BACH1: variants seen among roughly 807,000 people sequenced by gnomAD.
BACH1 encodes transcription regulator protein BACH1.
A neutral mutation model predicts 52.9 loss-of-function variants in BACH1; 35 were observed. The observed-to-expected ratio is 0.66, with a 90% CI of 0.51 to 0.88. The LOEUF (loss-of-function observed/expected upper bound fraction) is 0.88. Ranked by LOEUF, BACH1 falls within the 40% of genes least tolerant of loss-of-function variation. The pLI is 0.00. For missense variants in BACH1, 808 were observed against 872.6 expected (o/e 0.93, Z 0.93); for synonymous variants, 321 against 319.6 (o/e 1.00, Z -0.05).
chr21:29,349,061 T>C (rs412662), downstream of BACH1, among the ~76,000 whole-genome samples: 78,895 of 150,626 alleles, frequency 0.52, 21,091 homozygotes, highest in South Asian at 0.63. Flanking sequence ...GCCACTGCTA[T>C]CCAGCCTGGG....
Position 29,326,455 on chromosome 21 carries a change from T to A in BACH1, c.631T>A (p.Cys211Ser). ...DSASQTYESM[C>S]LEKDAALALP... Reference sequence around the variant, plus strand: ...TGCCAGTCAGACATATGAGTCCATGTGCTTAGAGAAGGATGCTGCTCTGGC... The same window carrying A: ...TGCCAGTCAGACATATGAGTCCATGAGCTTAGAGAAGGATGCTGCTCTGGC... The change falls in exon 3 of 5, where the codon TGC (cysteine) becomes AGC (serine). Residue 211 changes from cysteine (C) to serine (S), a missense_variant. Cys to Ser is a moderately radical substitution (Grantham distance 112, BLOSUM62 -1). Transcript: ENST00000286800. The A allele has an allele frequency of 1.2e-6, 2 of 1,614,224 alleles. No homozygotes were observed. The highest frequency in any genetic ancestry group is 1.7e-6 in the Non-Finnish European group (2 of 1,180,040).
At chr21:29,306,612 A>T (rs1569006701) in intron 1 of BACH1, among the ~76,000 whole-genome samples, 1 of 152,164 alleles carries the variant, frequency 6.6e-6, no homozygotes, top group East Asian at 1.9e-4. Context: ...GAGAGTAGAT[A>T]CGTGAGCACA....
At chr21:29,312,419 G>C (rs1456081903) in intron 1 of BACH1, among the ~76,000 whole-genome samples, 1 of 152,046 alleles carries the variant, frequency 6.6e-6, no homozygotes, top group South Asian at 2.1e-4. Context: ...CTCACTATTC[G>C]GTCATTGCAA....
intron 2 of BACH1, chr21:29,359,495 G>A (rs568525913): frequency 6.6e-6 from 1 of 150,902 alleles, no homozygotes; most frequent in South Asian, 2.1e-4. Context: ...TTGCTTTTGC[G>A]AGTACTCATG....
chr21:29,326,173 A>G lies in BACH1; in HGVS notation c.349A>G (p.Asn117Asp). Residue 117 changes from asparagine to aspartate, a missense_variant, in exon 3 of 5, where the codon AAT becomes GAT. Physicochemically the swap from Asn to Asp is conservative, Grantham distance 23. Coordinates refer to ENST00000286800, the MANE Select transcript of BACH1 (RefSeq NM_001186.4). Reference protein sequence around the residue: ...CKCVEFLSVHNIEESCFQFLK... With the variant: ...CKCVEFLSVHDIEESCFQFLK... ...ATGTGTGGAGTTTTTAAGTGTACATAATATTGAGGAATCCTGCTTTCAGTT... is the reference window on the plus strand; with the variant it reads ...ATGTGTGGAGTTTTTAAGTGTACATGATATTGAGGAATCCTGCTTTCAGTT... The G allele has an allele frequency of 6.2e-7, 1 of 1,614,216 alleles. No homozygotes were observed. The highest frequency in any genetic ancestry group is 8.5e-7 in the Non-Finnish European group (1 of 1,180,034).
At chr21:29,348,812 C>T (rs1273842297), downstream of BACH1, among the ~76,000 whole-genome samples, 2 of 151,982 alleles carry the variant, frequency 1.3e-5, no homozygotes, top group African/African-American at 2.4e-5. Flanking sequence ...TCTATCTTTA[C>T]GGCCCGGCAG....
At chr21:29,299,373 C>T (rs2088577142) in intron 1 of BACH1, 1 of 152,350 alleles carries the variant, frequency 6.6e-6, no homozygotes, top group African/African-American at 2.4e-5. Context: ...GGCTGGGGCC[C>T]CGTATTGTCC....
At position 29,342,600 on chromosome 21, in the gene BACH1, C is replaced by T. The variant is rs2089127074; in HGVS notation, c.1978C>T (p.Pro660Ser). ...FLISEKDKST[P>S]DGELALPSIF... ...AATTTCTGAAAAAGATAAAAGTACTCCTGATGGTGAACTGGCGTTACCATC... is the reference window on the plus strand; with the variant it reads ...AATTTCTGAAAAAGATAAAAGTACTTCTGATGGTGAACTGGCGTTACCATC... The change falls in exon 5 of 5, where the codon CCT (proline) becomes TCT (serine). Residue 660 changes from proline to serine, a missense_variant. Pro to Ser is a moderately conservative substitution (Grantham distance 74, BLOSUM62 -1). Transcript: ENST00000286800. 2 of 1,614,156 alleles carry T rather than the reference C, an allele frequency of 1.2e-6. No homozygotes were observed. The highest frequency in any genetic ancestry group is 1.7e-5 in the Admixed American group (1 of 60,020).
At chr21:29,336,222 C>T (rs1170939644) in intron 4 of BACH1, among the ~76,000 whole-genome samples, 4 of 152,124 alleles carry the variant, frequency 2.6e-5, no homozygotes, top group Admixed American at 6.5e-5. Context: ...AAATGTCTTA[C>T]TTTAAGTTAT....
rs935202874 is a variant in BACH1, at chr21:29,343,761, A to T, written c.*928A>T. 1 of 152,210 alleles carries T rather than the reference A, an allele frequency of 6.6e-6. No homozygotes were observed. Among genetic ancestry groups the T allele is most frequent in the Non-Finnish European group, 1.5e-5 (1 of 68,034 alleles). 9.4% of individuals were successfully genotyped at this position (152,210 alleles called of 1,614,324 possible). On this transcript the variant is annotated 3_prime_UTR_variant, in exon 5 of 5. Coordinates refer to ENST00000286800, the MANE Select transcript of BACH1 (RefSeq NM_001186.4). Reference sequence around the variant, plus strand: ...CACCAATGCCAGAAAACCAGACATCACGGGGAAAGAATGTTGCTTACTTTT... The same window carrying T: ...CACCAATGCCAGAAAACCAGACATCTCGGGGAAAGAATGTTGCTTACTTTT...
At chr21:29,313,382 G>A (rs2088750105) in intron 1 of BACH1, among the ~76,000 whole-genome samples, 1 of 152,198 alleles carries the variant, frequency 6.6e-6, no homozygotes, top group Admixed American at 6.5e-5. Flanking sequence ...AAACTATTCA[G>A]TAATTTCTAA....
chr21:29,300,382 C>T lies in BACH1; in HGVS notation c.-61+1429C>T, dbSNP rs988069895. Among the ~76,000 whole-genome samples, 7 of 152,302 alleles carry T rather than the reference C, an allele frequency of 4.6e-5. No individual in the cohort carries two copies. The South Asian group carries it at 1.5e-3, about 32-fold the overall frequency. On this transcript the variant is annotated intron_variant, in intron 1 of 4. Transcript: ENST00000286800. ...CTGGTGCAAATACTCTCATCACATG[C>T]CTCCACTATAAAAGGCCAAAGAGCG...
At chr21:29,338,845 G>C (rs1384446635) in intron 4 of BACH1, among the ~76,000 whole-genome samples, 1 of 150,854 alleles carries the variant, frequency 6.6e-6, no homozygotes, top group African/African-American at 2.4e-5. Flanking sequence ...TTTTCCCTGT[G>C]TTTCTTTTCT....
At chr21:29,353,590 T>C (rs1448018025) in intron 2 of BACH1, among the ~76,000 whole-genome samples, 2 of 152,134 alleles carry the variant, frequency 1.3e-5, no homozygotes, top group South Asian at 4.1e-4. Flanking sequence ...ACCACCCACC[T>C]CCAGCCTACA....
intron 1 of BACH1, among the ~76,000 whole-genome samples, chr21:29,311,365 C>T (rs1230398893): frequency 2.0e-5 from 3 of 151,692 alleles, no homozygotes; most frequent in African/African-American, 7.3e-5. Context: ...CTTTTGTTTA[C>T]TATCTATTTA....
chr21:29,313,283 G>A (rs1569009494), intron 1 of BACH1, among the ~76,000 whole-genome samples: 1 of 152,292 alleles, frequency 6.6e-6, no homozygotes, highest in East Asian at 1.9e-4. Context: ...GGATGGACAC[G>A]TCTTACGTAG....
chr21:29,342,354 AGC>A (rs762778956), intron 4 of BACH1, 43 bp from the exon 5 acceptor site: 1 of 1,536,382 alleles, frequency 6.5e-7, no homozygotes, highest in South Asian at 1.2e-5. Context: ...ATGTTGATTG[AGC>A]TAATAAACAC....
intron 1 of BACH1, among the ~76,000 whole-genome samples, chr21:29,304,015 G>T (rs1215058153): frequency 1.3e-5 from 2 of 152,068 alleles, no homozygotes; most frequent in South Asian, 2.1e-4. Context: ...CTGAAATTTT[G>T]TGCAGATCAT....
chr21:29,359,969 TA>T (rs1227943969), intron 2 of BACH1, among the ~76,000 whole-genome samples: 1 of 152,224 alleles, frequency 6.6e-6, no homozygotes. Context: ...TGAGTCAGAC[TA>T]AGGCATCAGT....
Sources: gnomAD v4.1 joint callset for allele counts (sites outside exome capture counted in the v4.1 genomes callset) on GRCh38, gnomAD v4.1.1 for gene constraint, MANE v1.5 for transcripts, NCBI Gene and HGNC (gene_info 2026-07-23, HGNC 2026-07-21) for gene names.